Variants in IKZF2 observed in about 807,000 individuals in gnomAD.
The protein encoded by IKZF2 is IKAROS family zinc finger 2, also known as zinc finger protein Helios.
A neutral mutation model predicts 49.2 loss-of-function variants in IKZF2; 15 were observed. That is an observed-to-expected ratio of 0.30 (90% CI 0.20 to 0.47). The LOEUF (loss-of-function observed/expected upper bound fraction) is 0.47, where lower values mean the gene tolerates loss of function less well. Ranked by LOEUF, IKZF2 falls within the 20% of genes least tolerant of loss-of-function variation. IKZF2 has a pLI of 1.00. For missense variants in IKZF2, 567 were observed against 664.6 expected (o/e 0.85, Z 1.61); for synonymous variants, 227 against 221.4 (o/e 1.03, Z -0.23).
At chr2:213,025,611 A>G (rs1697736639) in intron 6 of IKZF2, among the ~76,000 whole-genome samples, 1 of 152,176 alleles carries the variant, frequency 6.6e-6, no homozygotes, top group South Asian at 2.1e-4. Context: ...TATTAAACAC[A>G]GGAGACAATA....
rs1171069297 is a variant in IKZF2 at position 213,150,165 on chromosome 2, A to T, written c.-37T>A. 4 of 1,303,072 alleles carry T rather than the reference A, an allele frequency of 3.1e-6. No homozygotes were observed. Among genetic ancestry groups the T allele is most frequent in the Admixed American group, 2.3e-5 (1 of 43,570 alleles). The allele number at this position is 1,303,072 out of a possible 1,614,324, so 80.7% of individuals were successfully genotyped here. A position where few individuals can be genotyped will look rare whatever the true frequency, so the allele number is the denominator to read the frequency against. On this transcript the variant is annotated 5_prime_UTR_variant, in exon 2 of 9. It removes the in-frame stop codon of an upstream open reading frame in the 5' UTR. Transcript: ENST00000434687. ...ATACAAAAGAAATTGTCCTTTGATT[A>T]AAAAAGATTCATCACCATTTCCAGC...
At chr2:213,009,971 T>C (rs1331288317) in intron 8 of IKZF2, among the ~76,000 whole-genome samples, 1 of 152,054 alleles carries the variant, frequency 6.6e-6, no homozygotes, top group African/African-American at 2.4e-5. Flanking sequence ...AGTTAGATAA[T>C]ATAAGGCTAA....
rs972368247 is a variant in IKZF2 at position 213,005,462 on chromosome 2, A to G, written c.*1898T>C. 13 of 151,996 alleles carry G rather than the reference A, an allele frequency of 8.6e-5. No individual in the cohort carries two copies. The highest frequency in any genetic ancestry group is 1.3e-4 in the Admixed American group (2 of 15,210). The allele number at this position is 151,996 out of a possible 1,614,324, so 9.4% of individuals were successfully genotyped here. On this transcript the variant is annotated 3_prime_UTR_variant, in exon 9 of 9. Coordinates refer to ENST00000434687, the MANE Select transcript of IKZF2 (RefSeq NM_001387220.1). ...TAGAAGTGCTTAGCTGGTGCCTACC[A>G]TTTAAATAGCAAATAGTAAGCTGGA...
chr2:213,021,533 C>G, intron 7 of IKZF2: 1 of 292,664 alleles, frequency 3.4e-6, no homozygotes, highest in Non-Finnish European at 6.6e-6. Flanking sequence ...GAGATGGTGT[C>G]TAATGTTGGT....
chr2:213,137,989 A>G (rs570979742), intron 4 of IKZF2, among the ~76,000 whole-genome samples: 4 of 152,248 alleles, frequency 2.6e-5, no homozygotes, highest in African/African-American at 9.6e-5. Context: ...GAGAGCAATG[A>G]CAAAAACGTC....
At chr2:213,054,506 T>C (rs1273530122) in intron 5 of IKZF2, among the ~76,000 whole-genome samples, 2 of 152,076 alleles carry the variant, frequency 1.3e-5, no homozygotes, top group Non-Finnish European at 2.9e-5. Context: ...GGTATTAAAG[T>C]GGTGTTGAAA....
intron 4 of IKZF2, among the ~76,000 whole-genome samples, chr2:213,110,618 G>C (rs550944603): frequency 1.6e-4 from 24 of 151,952 alleles, no homozygotes; most frequent in African/African-American, 5.3e-4. Context: ...GAAAAACAAT[G>C]CTGCAATGAA....
chr2:213,092,296 T>C (rs1705435975), intron 4 of IKZF2, among the ~76,000 whole-genome samples: 1 of 152,168 alleles, frequency 6.6e-6, no homozygotes, highest in Non-Finnish European at 1.5e-5. Flanking sequence ...CCCAAAATGC[T>C]GAGATTACAG....
intron 7 of IKZF2, chr2:213,021,772 GA>G (rs1697247494): frequency 1.7e-6 from 1 of 593,510 alleles, no homozygotes; most frequent in Non-Finnish European, 3.0e-6. Flanking sequence ...TTTGGTATAT[GA>G]AAGGTTGGTT....
intron 4 of IKZF2, among the ~76,000 whole-genome samples, chr2:213,075,849 A>G (rs1400319054): frequency 6.6e-6 from 1 of 152,170 alleles, no homozygotes; most frequent in Non-Finnish European, 1.5e-5. Flanking sequence ...TATGGAAAGA[A>G]GATTTTTGAT....
At chr2:213,014,539 T>C (rs1232582154) in intron 7 of IKZF2, 1 of 152,008 alleles carries the variant, frequency 6.6e-6, no homozygotes, top group Non-Finnish European at 1.5e-5. Flanking sequence ...TTTATGATTG[T>C]AATTTATTTT....
intron 4 of IKZF2, among the ~76,000 whole-genome samples, chr2:213,063,241 G>C (rs568121181): frequency 1.3e-5 from 2 of 151,908 alleles, no homozygotes; most frequent in East Asian, 3.9e-4. Context: ...TTTCTTCTCT[G>C]TTCAATATAG....
At chr2:213,148,790 C>T in intron 2 of IKZF2, 146 bp from the exon 3 acceptor site, 1 of 595,844 alleles carries the variant, frequency 1.7e-6, no homozygotes, top group East Asian at 2.9e-5. Context: ...ACTGTATGTG[C>T]TCATTTGCAA....
rs1553537458 is a variant in IKZF2, at chr2:213,000,252, T to TTACA, written c.*7107_*7108insTGTA. The TTACA allele has an allele frequency of 7.0e-6, 1 of 142,970 alleles. No homozygotes were observed. Among genetic ancestry groups the TTACA allele is most frequent in the Non-Finnish European group, 1.5e-5 (1 of 65,286 alleles). 8.9% of individuals were successfully genotyped at this position (142,970 alleles called of 1,614,324 possible). On this transcript the variant is annotated 3_prime_UTR_variant, in exon 9 of 9. Transcript: ENST00000434687. Reference sequence around the variant, plus strand: ...TGGAATTTTAACTTTACATATATATTTATATATATATATATATATTTCTTT... The same window carrying TTACA: ...TGGAATTTTAACTTTACATATATATTTACATATATATATATATATATATTTCTTT...
intron 7 of IKZF2, 99 bp downstream of exon 7, chr2:213,021,894 T>G: frequency 7.8e-7 from 1 of 1,274,296 alleles, no homozygotes; most frequent in African/African-American, 1.5e-5. Context: ...TAAGTTAAAG[T>G]GATCTAAAAT....
intron 4 of IKZF2, among the ~76,000 whole-genome samples, chr2:213,106,504 G>A (rs1489472675): frequency 6.6e-6 from 1 of 151,858 alleles, no homozygotes; most frequent in African/African-American, 2.4e-5. Context: ...TGGTGGTGGC[G>A]CATGTCCCTA....
rs1695183571 is a variant in IKZF2 at position 213,004,725 on chromosome 2, CA to C, written c.*2634del. Reference sequence around the variant, plus strand: ...ACGTCCACAAAAATTCTTTCTGACCCACAAATTTGAATTGACTTTGTCCTCA... The same window carrying C: ...ACGTCCACAAAAATTCTTTCTGACCCCAAATTTGAATTGACTTTGTCCTCA... On this transcript the variant is annotated 3_prime_UTR_variant, in exon 9 of 9. Coordinates refer to ENST00000434687, the MANE Select transcript of IKZF2 (RefSeq NM_001387220.1). The C allele has an allele frequency of 2.0e-5, 3 of 151,990 alleles. No homozygotes were observed. The highest frequency in any genetic ancestry group is 2.0e-4 in the Admixed American group (3 of 15,214). The allele number at this position is 151,990 out of a possible 1,614,324, so 9.4% of individuals were successfully genotyped here. A position where few individuals can be genotyped will look rare whatever the true frequency, so the allele number is the denominator to read the frequency against.
intron 6 of IKZF2, among the ~76,000 whole-genome samples, chr2:213,026,047 T>A (rs1047409828): frequency 8.5e-5 from 13 of 152,256 alleles, no homozygotes; most frequent in African/African-American, 2.9e-4. Flanking sequence ...CAACTTTCAA[T>A]AACTGTTAAG....
chr2:213,150,261 G>C lies in IKZF2; in HGVS notation c.-119-14C>G, dbSNP rs1377956100. 2 of 1,047,316 alleles carry C rather than the reference G, an allele frequency of 1.9e-6. No individual in the cohort carries two copies. Among genetic ancestry groups the C allele is most frequent in the Admixed American group, 4.8e-5 (2 of 41,778 alleles). 64.9% of individuals were successfully genotyped at this position (1,047,316 alleles called of 1,614,324 possible). On this transcript the variant is annotated splice_polypyrimidine_tract_variant and intron_variant, in intron 1 of 8. Transcript: ENST00000434687. ...GACAATGTCGGGCTGAAGATAAACG[G>C]AGGGAGAAAGAAAGAAGTTTTTTGT...
Sources: gnomAD v4.1 joint callset for allele counts (sites outside exome capture counted in the v4.1 genomes callset) on GRCh38, gnomAD v4.1.1 for gene constraint, MANE v1.5 for transcripts, NCBI Gene and HGNC (gene_info 2026-07-23, HGNC 2026-07-21) for gene names.